ZNF7: variants seen among roughly 807,000 people sequenced by gnomAD.
ZNF7 encodes C2-H2 type zinc finger protein.
Under a neutral mutation model 12.0 loss-of-function variants are expected in ZNF7, and 10 were observed. That is an observed-to-expected ratio of 0.83 (90% CI 0.51 to 1.42). ZNF7 has a LOEUF of 1.42. ZNF7 is among the 40% of genes most tolerant of loss of function. The pLI is 0.00. For synonymous variants in ZNF7, 334 were observed against 295.0 expected (o/e 1.13, Z -1.35); for missense variants, 854 against 837.2 (o/e 1.02, Z -0.25).
In ZNF7 at chr8:144,843,263, A is replaced by ATGT; in HGVS notation, c.*98_*100dup. On this transcript the variant is annotated 3_prime_UTR_variant, in exon 5 of 5. Transcript: ENST00000532777. ...TCGTTTATACTGACAAACATGTAGA[A>ATGT]TGTTGGTAAAGGTTCAGAATTGCTC... 1.4e-6 allele frequency: 2 copies of ATGT among 1,393,988 alleles called. No homozygotes were observed. Among genetic ancestry groups the ATGT allele is most frequent in the Non-Finnish European group, 1.9e-6 (2 of 1,036,938 alleles). 86.4% of individuals were successfully genotyped at this position (1,393,988 alleles called of 1,614,324 possible). A position where few individuals can be genotyped will look rare whatever the true frequency, so the allele number is the denominator to read the frequency against.
rs779605458 is a variant in ZNF7, at chr8:144,842,005, C to G, written c.898C>G (p.His300Asp). The G allele has an allele frequency of 1.9e-6, 3 of 1,614,188 alleles. No individual in the cohort carries two copies. Among genetic ancestry groups the G allele is most frequent in the Non-Finnish European group, 2.5e-6 (3 of 1,180,034 alleles). ...SSKLIQHQRI[H>D]TGEKPYRCEE... ...AAAACTTATTCAGCATCAAAGAATC[C>G]ACACTGGGGAGAAGCCCTACAGATG... Residue 300 changes from histidine (H) to aspartate (D), a missense_variant, in exon 5 of 5, where the codon CAC becomes GAC. Coordinates refer to ENST00000532777, the MANE Select transcript of ZNF7 (RefSeq NM_003416.4).
At chr8:144,828,225 C>T (rs533927578) in intron 1 of ZNF7, among the ~76,000 whole-genome samples, 1 of 152,158 alleles carries the variant, frequency 6.6e-6, no homozygotes, top group Non-Finnish European at 1.5e-5. Flanking sequence ...TCCGACCTCC[C>T]GGGGGAATGC....
At chr8:144,846,009 A>G (rs1178552404), downstream of ZNF7, 2 of 1,536,538 alleles carry the variant, frequency 1.3e-6, no homozygotes. Flanking sequence ...ATGGGACAAG[A>G]GCCAAGGCAC....
At chr8:144,836,058 A>T (rs1828948656) in intron 3 of ZNF7, 1 of 152,244 alleles carries the variant, frequency 6.6e-6, no homozygotes, top group Admixed American at 6.5e-5. Flanking sequence ...TAAAAGTATA[A>T]AATTTTTCTG....
chr8:144,843,322 G>T lies in ZNF7; in HGVS notation c.*154G>T, dbSNP rs1400075800. On this transcript the variant is annotated 3_prime_UTR_variant, in exon 5 of 5. Transcript: ENST00000532777. The stretch of plus-strand genomic sequence containing the variant: ...ATCCAACTTCAGGCCGAGTGTGGTG[G>T]CTTATGCCTGTCATCCCAGCACTTT... The T allele has an allele frequency of 8.1e-6, 8 of 988,872 alleles. No individual in the cohort carries two copies. The highest frequency in any genetic ancestry group is 3.0e-5 in the Admixed American group (1 of 32,862). The allele number at this position is 988,872 out of a possible 1,614,324, so 61.3% of individuals were successfully genotyped here.
In ZNF7 at chr8:144,842,560, A is replaced by G. The variant is rs1198921939; in HGVS notation, c.1453A>G (p.Ile485Val). ...AGGCTTTGTTCAGGGCTCACACCTT[A>G]TTCAGCATCAGCGAATCCACACTGG... ...GKGFVQGSHL[I>V]QHQRIHTGEK... The change falls in exon 5 of 5, where the codon ATT becomes GTT. Residue 485 changes from isoleucine to valine, a missense_variant. Physicochemically the swap from Ile to Val is conservative, Grantham distance 29. Coordinates refer to ENST00000532777, the MANE Select transcript of ZNF7 (RefSeq NM_003416.4). 2 of 1,614,188 alleles carry G rather than the reference A, an allele frequency of 1.2e-6. No homozygotes were observed. Among genetic ancestry groups the G allele is most frequent in the Non-Finnish European group, 1.7e-6 (2 of 1,180,014 alleles).
intron 4 of ZNF7, 125 bp from the exon 5 acceptor site, chr8:144,841,230 C>A: frequency 1.0e-6 from 1 of 966,380 alleles, no homozygotes; most frequent in Non-Finnish European, 1.5e-6. Context: ...CACGTTTCCA[C>A]CTGGGGCCTC....
intron 4 of ZNF7, among the ~76,000 whole-genome samples, chr8:144,840,526 G>T (rs1157409501): frequency 6.6e-6 from 1 of 152,186 alleles, no homozygotes; most frequent in Non-Finnish European, 1.5e-5. Context: ...GTGTGTTGTG[G>T]TTGCATCCTG....
intron 4 of ZNF7, chr8:144,838,055 TG>T (rs1563834150): frequency 1.4e-6 from 1 of 693,682 alleles, no homozygotes; most frequent in South Asian, 1.5e-5. Context: ...AGCAGGGCCG[TG>T]CCCCCCTGTG....
At chr8:144,838,182 A>C (rs748141332) in intron 4 of ZNF7, 3 of 701,880 alleles carry the variant, frequency 4.3e-6, no homozygotes, top group Non-Finnish European at 7.8e-6. Context: ...ACTCCTTCAC[A>C]CGGCTGCCTT....
chr8:144,831,130 A>G (rs1479689616), intron 3 of ZNF7: 7 of 427,960 alleles, frequency 1.6e-5, no homozygotes, highest in Non-Finnish European at 3.3e-5. Context: ...CTCCTCTCTC[A>G]GGCCCTGTGT....
At chr8:144,840,849 G>A (rs375947513) in intron 4 of ZNF7, among the ~76,000 whole-genome samples, 27 of 152,296 alleles carry the variant, frequency 1.8e-4, no homozygotes, top group South Asian at 8.3e-4. Flanking sequence ...AGCCATGAAC[G>A]GCCTAGGTGC....
Position 144,827,581 on chromosome 8 carries a change from T to C in ZNF7, c.-74T>C, listed in dbSNP as rs920122299. The C allele has an allele frequency of 7.1e-6, 7 of 985,514 alleles. No individual in the cohort carries two copies. The highest frequency in any genetic ancestry group is 1.2e-4 in the Admixed American group (2 of 16,268). 61.0% of individuals were successfully genotyped at this position (985,514 alleles called of 1,614,324 possible). ...GCCCGTTTCCGGCGGCGTCGCGCGT[T>C]TGCGAGCCTCGGGTGGTCCTCAGGG... On this transcript the variant is annotated 5_prime_UTR_variant, in exon 1 of 5. Coordinates refer to ENST00000532777, the MANE Select transcript of ZNF7 (RefSeq NM_003416.4).
chr8:144,838,059 C>CT (rs1190809467), intron 4 of ZNF7: 1 of 702,712 alleles, frequency 1.4e-6, no homozygotes, highest in African/African-American at 1.7e-5. Context: ...GGGCCGTGCC[C>CT]CCCTGTGAAG....
chr8:144,840,564 G>A (rs1199442661), intron 4 of ZNF7, among the ~76,000 whole-genome samples: 1 of 152,226 alleles, frequency 6.6e-6, no homozygotes, highest in Admixed American at 6.5e-5. Context: ...ACATCAAGGA[G>A]ATGTCTGACC....
At chr8:144,843,972 C>T (rs1830329641), downstream of ZNF7, among the ~76,000 whole-genome samples, 1 of 152,196 alleles carries the variant, frequency 6.6e-6, no homozygotes, top group African/African-American at 2.4e-5. Context: ...CTATCCCCTT[C>T]CTCAGAGAGG....
chr8:144,836,907 A>T (rs1829065741), intron 3 of ZNF7: 1 of 152,868 alleles, frequency 6.5e-6, no homozygotes, highest in South Asian at 2.0e-4. Flanking sequence ...TTGAGGCTGG[A>T]AGGACACTGG....
chr8:144,845,460 G>A (rs1452049689), downstream of ZNF7, among the ~76,000 whole-genome samples: 4 of 152,104 alleles, frequency 2.6e-5, no homozygotes, highest in African/African-American at 9.7e-5. Context: ...GGCACATGCA[G>A]GAACATGGAG....
intron 3 of ZNF7, among the ~76,000 whole-genome samples, chr8:144,830,776 C>G (rs1828354479): frequency 1.3e-5 from 2 of 151,814 alleles, no homozygotes; most frequent in Middle Eastern, 3.4e-3. Context: ...CCCTGTCACC[C>G]ATGCCGGAGT....
Sources: gnomAD v4.1 joint callset for allele counts (sites outside exome capture counted in the v4.1 genomes callset) on GRCh38, gnomAD v4.1.1 for gene constraint, MANE v1.5 for transcripts, NCBI Gene and HGNC (gene_info 2026-07-23, HGNC 2026-07-21) for gene names.